SPRY3: variants seen among roughly 807,000 people sequenced by gnomAD.
SPRY3 encodes the protein protein sprouty homolog 3.
SPRY3 carries 15 observed loss-of-function variants against 20.2 expected under a neutral mutation model. The observed-to-expected ratio is 0.74, with a 90% CI of 0.50 to 1.14. The LOEUF (loss-of-function observed/expected upper bound fraction) is 1.14, where lower values mean the gene tolerates loss of function less well. Among genes scored for constraint, SPRY3 ranks in the 50% most tolerant of loss-of-function variants. The pLI is 0.00. For missense variants in SPRY3, 364 were observed against 363.9 expected (o/e 1.00, Z 0.00); for synonymous variants, 143 against 136.5 (o/e 1.05, Z -0.33).
chrX:155,663,792 A>G (rs1162134564), intron 2 of SPRY3, among the ~76,000 whole-genome samples: 1 of 111,025 alleles, frequency 9.0e-6, no homozygotes, highest in African/African-American at 3.3e-5. Context: ...TTTGAAAACC[A>G]CTAGAATCAA....
At chrX:155,628,972 A>AT (rs1360712097) in intron 1 of SPRY3, among the ~76,000 whole-genome samples, 3 of 106,747 alleles carry the variant, frequency 2.8e-5, no homozygotes, top group Admixed American at 9.9e-5. Context: ...TCTTTTGCCC[A>AT]TTTTTTTTCT....
In SPRY3 at chrX:155,774,876, A is replaced by C. The variant is rs976206606; in HGVS notation, c.*138A>C. ...TCTTTTGTTCCTGCAGTGTCAGGGG[A>C]ATGACCAAGTACATCCTGGTGCAGG... On this transcript the variant is annotated 3_prime_UTR_variant, in exon 4 of 4. Coordinates refer to ENST00000675360, the Ensembl canonical transcript of SPRY3. The C allele has an allele frequency of 4.1e-6, 4 of 965,152 alleles. No homozygotes were observed. In the African/African-American group the frequency reaches 6.5e-5, roughly 16 times the overall value. The allele number at this position is 965,152 out of a possible 1,614,324, so 59.8% of individuals were successfully genotyped here. A position where few individuals can be genotyped will look rare whatever the true frequency, so the allele number is the denominator to read the frequency against.
At chrX:155,648,624 T>G (rs1379265643) in intron 1 of SPRY3, among the ~76,000 whole-genome samples, 3 of 111,967 alleles carry the variant, frequency 2.7e-5, no homozygotes, top group African/African-American at 9.7e-5. Flanking sequence ...TGTGGTGTTA[T>G]TTCTGAGGCC....
intron 1 of SPRY3, among the ~76,000 whole-genome samples, chrX:155,615,825 G>T (rs892129911): frequency 4.5e-5 from 5 of 111,255 alleles, no homozygotes; most frequent in Non-Finnish European, 9.4e-5. Flanking sequence ...CAGCATAAAC[G>T]TAGTAACCTA....
intron 2 of SPRY3, among the ~76,000 whole-genome samples, chrX:155,681,403 CT>C (rs1379882873): frequency 3.6e-5 from 4 of 112,096 alleles, no homozygotes; most frequent in African/African-American, 6.5e-5. Flanking sequence ...AAACCTCTTT[CT>C]TTTGTAAATT....
intron 2 of SPRY3, among the ~76,000 whole-genome samples, chrX:155,767,436 G>A (rs1175072008): frequency 1.3e-5 from 2 of 151,954 alleles, no homozygotes; most frequent in Non-Finnish European, 2.9e-5. Flanking sequence ...TCACACACTG[G>A]CGGTATCTAT....
At chrX:155,649,551 C>G in intron 1 of SPRY3, among the ~76,000 whole-genome samples, 1 of 111,339 alleles carries the variant, frequency 9.0e-6, no homozygotes, top group South Asian at 3.8e-4. Context: ...CAGAAAAAGC[C>G]TTCAATAAAA....
intron 2 of SPRY3, among the ~76,000 whole-genome samples, chrX:155,682,758 A>G (rs1022550490): frequency 1.8e-5 from 2 of 112,298 alleles, no homozygotes; most frequent in East Asian, 5.6e-4. Flanking sequence ...TTTTAATGCT[A>G]CCGCTGCTAT....
rs1050481441 is a variant in SPRY3, at chrX:155,736,162, T to C, written c.-281-31800T>C. On this transcript the variant is annotated intron_variant, in intron 2 of 3. Coordinates refer to ENST00000675360, the Ensembl canonical transcript of SPRY3. ...ATATATTTCACTTATTCATAAGCGA[T>C]ATCCAACATATCATTGCTCTTATTA... 6.6e-5 allele frequency among the ~76,000 whole-genome samples: 10 copies of C among 151,994 alleles called. 1 individual carries two copies. The highest frequency in any genetic ancestry group is 1.5e-4 in the Non-Finnish European group (10 of 67,866).
intron 2 of SPRY3, among the ~76,000 whole-genome samples, chrX:155,708,616 C>A (rs1203463515): frequency 2.6e-5 from 4 of 151,160 alleles, no homozygotes; most frequent in Non-Finnish European, 5.9e-5. Flanking sequence ...TTTTTAATTT[C>A]TGTACATAGC....
chrX:155,768,420 T>C (rs1243366167), intron 3 of SPRY3, among the ~76,000 whole-genome samples: 1 of 152,130 alleles, frequency 6.6e-6, no homozygotes, highest in Non-Finnish European at 1.5e-5. Context: ...TTCTAGCCTG[T>C]TAACCTTTAA....
At chrX:155,749,821 G>A (rs1204128173) in intron 2 of SPRY3, among the ~76,000 whole-genome samples, 1 of 151,810 alleles carries the variant, frequency 6.6e-6, no homozygotes, top group African/African-American at 2.4e-5. Context: ...CTGAAGTTTT[G>A]GACATGTTAA....
At chrX:155,628,732 T>C (rs1186472535) in intron 1 of SPRY3, among the ~76,000 whole-genome samples, 1 of 112,074 alleles carries the variant, frequency 8.9e-6, no homozygotes, top group Admixed American at 9.4e-5. Flanking sequence ...TTTCCATAGT[T>C]AGTATACTAA....
intron 1 of SPRY3, among the ~76,000 whole-genome samples, chrX:155,648,684 C>G (rs964584167): frequency 8.9e-5 from 10 of 111,757 alleles, no homozygotes; most frequent in Non-Finnish European, 1.5e-4. Context: ...CAGTACCATG[C>G]TATTTTGGTT....
intron 2 of SPRY3, among the ~76,000 whole-genome samples, chrX:155,711,679 C>A (rs969480684): frequency 7.5e-5 from 9 of 120,624 alleles, no homozygotes; most frequent in African/African-American, 1.8e-4. Flanking sequence ...TTTATTATTT[C>A]TTTTTACTAT....
intron 2 of SPRY3, among the ~76,000 whole-genome samples, chrX:155,707,646 G>T (rs1350697326): frequency 6.6e-6 from 1 of 150,954 alleles, no homozygotes; most frequent in Admixed American, 6.6e-5. Context: ...ATTTATAATT[G>T]TTACATATTT....
chrX:155,755,004 A>C (rs1024273104), intron 2 of SPRY3, among the ~76,000 whole-genome samples: 3 of 151,572 alleles, frequency 2.0e-5, no homozygotes, highest in African/African-American at 7.3e-5. Context: ...TTGCTATGGA[A>C]GTTTGTTACA....
intron 1 of SPRY3, among the ~76,000 whole-genome samples, chrX:155,624,517 C>CATCTATCT (rs141240143): frequency 0.036 from 3,706 of 102,265 alleles, 69 homozygotes; most frequent in East Asian, 0.081. Flanking sequence ...ATTTATCTAT[C>CATCTATCT]ATCTATCTAT....
chrX:155,667,112 G>C (rs2068026906), intron 2 of SPRY3, among the ~76,000 whole-genome samples: 1 of 111,146 alleles, frequency 9.0e-6, no homozygotes, highest in Non-Finnish European at 1.9e-5. Context: ...AGATGGGGTG[G>C]AAATCAGACT....
Sources: gnomAD v4.1 joint callset for allele counts (sites outside exome capture counted in the v4.1 genomes callset) on GRCh38, gnomAD v4.1.1 for gene constraint, MANE v1.5 for transcripts, NCBI Gene and HGNC (gene_info 2026-07-23, HGNC 2026-07-21) for gene names.